KIAA1328: variants seen among roughly 807,000 people sequenced by gnomAD.
KIAA1328 encodes the protein protein hinderin.
In KIAA1328, 52 loss-of-function variants were observed where a neutral mutation model predicts 68.1. The observed-to-expected ratio is 0.76, with a 90% CI of 0.61 to 0.96. The LOEUF (loss-of-function observed/expected upper bound fraction) is 0.96. Ranked by LOEUF, KIAA1328 falls within the 40% of genes least tolerant of loss-of-function variation. The probability of loss-of-function intolerance (pLI) is 0.00; values close to 1 mark genes in which losing one functional copy is unlikely to be tolerated. For missense variants in KIAA1328, 641 were observed against 677.6 expected, an observed-to-expected ratio of 0.95 and a Z score of 0.60; for synonymous variants, 232 against 239.4, an observed-to-expected ratio of 0.97 and a Z score of 0.28.
chr18:36,962,215 AGACAAG>A (rs2051711106), intron 6 of KIAA1328, among the ~76,000 whole-genome samples: 1 of 152,232 alleles, frequency 6.6e-6, no homozygotes. Context: ...AGATCAAAAG[AGACAAG>A]GAAAGCCATT....
chr18:36,859,465 T>A (rs1048502402), intron 4 of KIAA1328, among the ~76,000 whole-genome samples: 1 of 151,840 alleles, frequency 6.6e-6, no homozygotes, highest in African/African-American at 2.4e-5. Context: ...TTAAAAAAAA[T>A]GATCAGTTCC....
At chr18:37,229,447 A>T, downstream of KIAA1328, 1 of 627,546 alleles carries the variant, frequency 1.6e-6, no homozygotes, top group Non-Finnish European at 2.3e-6. Flanking sequence ...TTGCACCAAT[A>T]ATGAAAATGA....
Position 37,224,380 on chromosome 18 carries a change from T to C in KIAA1328, c.*2153T>C, listed in dbSNP as rs1026391332. ...GTTTTATTGCTTCTTTGCCTCTCCA[T>C]GAATGGCCAATTTGGAAAAGCAGAG... On this transcript the variant is annotated 3_prime_UTR_variant, in exon 10 of 10. Coordinates refer to ENST00000280020, the MANE Select transcript of KIAA1328 (RefSeq NM_020776.3). 2.5e-5 allele frequency: 25 copies of C among 985,278 alleles called. No homozygotes were observed. The highest frequency in any genetic ancestry group is 5.2e-4 in the Middle Eastern group (1 of 1,936). The allele number at this position is 985,278 out of a possible 1,614,324, so 61.0% of individuals were successfully genotyped here. A position where few individuals can be genotyped will look rare whatever the true frequency, so the allele number is the denominator to read the frequency against.
At chr18:37,139,889 T>C (rs1299754430) in intron 7 of KIAA1328, among the ~76,000 whole-genome samples, 1 of 152,166 alleles carries the variant, frequency 6.6e-6, no homozygotes, top group Admixed American at 6.5e-5. Flanking sequence ...CATTAATGCT[T>C]ATTCGGAGGA....
chr18:37,084,550 G>A (rs2057046178), intron 7 of KIAA1328: 1 of 146,340 alleles, frequency 6.8e-6, no homozygotes, highest in African/African-American at 2.8e-5. Flanking sequence ...AGAATTTTAT[G>A]TTACTTTTTT....
chr18:36,880,223 G>A (rs1216898471), intron 4 of KIAA1328, among the ~76,000 whole-genome samples: 1 of 152,170 alleles, frequency 6.6e-6, no homozygotes, highest in African/African-American at 2.4e-5. Context: ...TAGTACCTGG[G>A]TCAGACAGCA....
chr18:36,873,581 G>T, intron 4 of KIAA1328, among the ~76,000 whole-genome samples: 1 of 152,096 alleles, frequency 6.6e-6, no homozygotes, highest in East Asian at 1.9e-4. Context: ...AGGAAACAGG[G>T]ATCACTGGTT....
At chr18:37,216,289 A>G (rs1397957331) in intron 9 of KIAA1328, among the ~76,000 whole-genome samples, 5 of 152,146 alleles carry the variant, frequency 3.3e-5, no homozygotes, top group Non-Finnish European at 7.4e-5. Context: ...AGTTAGTGCT[A>G]TAAATTTCCC....
At chr18:37,050,544 T>TTA (rs769992551) in intron 6 of KIAA1328, among the ~76,000 whole-genome samples, 2 of 152,324 alleles carry the variant, frequency 1.3e-5, no homozygotes, top group Non-Finnish European at 2.9e-5. Flanking sequence ...GCAACTACAT[T>TTA]TATATATGTG....
chr18:37,028,667 A>G (rs527294855), intron 6 of KIAA1328, among the ~76,000 whole-genome samples: 1 of 152,290 alleles, frequency 6.6e-6, no homozygotes, highest in African/African-American at 2.4e-5. Context: ...GGTTTATCAT[A>G]GATGGCTCTT....
intron 4 of KIAA1328, among the ~76,000 whole-genome samples, chr18:36,847,727 T>C (rs2047075237): frequency 2.0e-5 from 3 of 151,624 alleles, no homozygotes; most frequent in Admixed American, 1.3e-4. Context: ...TTTGATAAAA[T>C]TTTGGATCTT....
At chr18:36,982,067 C>A (rs1210759649) in intron 6 of KIAA1328, among the ~76,000 whole-genome samples, 1 of 144,100 alleles carries the variant, frequency 6.9e-6, no homozygotes, top group African/African-American at 2.6e-5. Context: ...TCTAAGTGAT[C>A]TAATTAATAT....
chr18:37,018,185 C>G (rs1297322594), intron 6 of KIAA1328, among the ~76,000 whole-genome samples: 2 of 152,074 alleles, frequency 1.3e-5, no homozygotes, highest in African/African-American at 4.8e-5. Context: ...GCTTGCTTGT[C>G]TGGAAAAGAT....
chr18:37,212,470 C>A (rs1401725628), intron 9 of KIAA1328, among the ~76,000 whole-genome samples: 1 of 151,906 alleles, frequency 6.6e-6, no homozygotes, highest in Non-Finnish European at 1.5e-5. Context: ...AAATGTGGGG[C>A]CCCTTGTTCA....
At chr18:37,035,594 G>A (rs1263454359) in intron 6 of KIAA1328, among the ~76,000 whole-genome samples, 2 of 152,134 alleles carry the variant, frequency 1.3e-5, no homozygotes, top group African/African-American at 2.4e-5. Context: ...AAATAACACA[G>A]CATTAGAAAA....
chr18:37,065,884 G>A (rs1198769896), intron 6 of KIAA1328, among the ~76,000 whole-genome samples: 1 of 152,160 alleles, frequency 6.6e-6, no homozygotes, highest in East Asian at 1.9e-4. Flanking sequence ...CTAAGTCAGC[G>A]ATGTTCAGAG....
chr18:36,906,814 G>A (rs2049240820), intron 5 of KIAA1328, among the ~76,000 whole-genome samples: 1 of 152,080 alleles, frequency 6.6e-6, no homozygotes, highest in Non-Finnish European at 1.5e-5. Context: ...AAATACCTAG[G>A]AGCATGATAG....
chr18:36,942,206 G>C (rs1321270661), intron 5 of KIAA1328, among the ~76,000 whole-genome samples: 1 of 152,210 alleles, frequency 6.6e-6, no homozygotes, highest in African/African-American at 2.4e-5. Context: ...TGTGAGGCCT[G>C]TTGGCGCATA....
chr18:36,882,296 G>A (rs2048350950), intron 4 of KIAA1328, among the ~76,000 whole-genome samples: 1 of 151,888 alleles, frequency 6.6e-6, no homozygotes, highest in Non-Finnish European at 1.5e-5. Context: ...TTTACTTTGT[G>A]GTCTGAGAAT....
Sources: allele counts gnomAD v4.1 joint callset (sites outside exome capture counted in the v4.1 genomes callset), GRCh38; gene constraint gnomAD v4.1.1; transcripts MANE v1.5; gene names NCBI Gene and HGNC (gene_info 2026-07-23, HGNC 2026-07-21).